The following MYBPC1 variants were observed in gnomAD, a reference collection of about 807,000 sequenced individuals.
MYBPC1 encodes myosin binding protein C1.
MYBPC1 carries 52 observed loss-of-function variants against 147.1 expected under a neutral mutation model. The ratio of observed to expected loss-of-function variants is 0.35; its 90% CI spans 0.28 to 0.45. The LOEUF is 0.45. MYBPC1 is among the 20% of genes least tolerant of loss of function. MYBPC1 has a pLI of 1.00. For synonymous variants in MYBPC1, 477 were observed against 475.9 expected, an observed-to-expected ratio of 1.00 and a Z score of -0.03; for missense variants, 1,228 against 1,440.3, an observed-to-expected ratio of 0.85 and a Z score of 2.39.
the MYBPC1 span, among the ~76,000 whole-genome samples, chr12:101,695,801 C>G: frequency 1.3e-5 from 2 of 152,062 alleles, no homozygotes; most frequent in African/African-American, 2.4e-5. Flanking sequence ...TTCTGTACTT[C>G]TTTTATGTGA....
intron 1 of MYBPC1, among the ~76,000 whole-genome samples, chr12:101,606,203 AACAC>A (rs113061042): frequency 0.015 from 2,237 of 145,880 alleles, 50 homozygotes; most frequent in East Asian, 0.096. Flanking sequence ...TCAAAAAAGA[AACAC>A]ACACACACAC....
chr12:101,601,738 TG>T (rs145247125), intron 1 of MYBPC1, among the ~76,000 whole-genome samples: 2,800 of 152,284 alleles, frequency 0.018, 82 homozygotes, highest in African/African-American at 0.064. Context: ...TCTTTTTTTT[TG>T]ATGTGTATTT....
chr12:101,678,558 GA>G (rs1900611294), intron 28 of MYBPC1, among the ~76,000 whole-genome samples: 1 of 152,184 alleles, frequency 6.6e-6, no homozygotes, highest in Admixed American at 6.5e-5. Flanking sequence ...AGAATTCTGT[GA>G]TAGGTTAAAG....
At chr12:101,616,071 A>C (rs1885980353) in intron 2 of MYBPC1, among the ~76,000 whole-genome samples, 1 of 152,166 alleles carries the variant, frequency 6.6e-6, no homozygotes, top group African/African-American at 2.4e-5. Context: ...TGTCCAGCTA[A>C]GAATACTAGA....
At chr12:101,641,294 CGTT>C (rs1030686554) in intron 10 of MYBPC1, among the ~76,000 whole-genome samples, 1 of 151,984 alleles carries the variant, frequency 6.6e-6, no homozygotes, top group South Asian at 2.1e-4. Context: ...GGTAAGCAGT[CGTT>C]GTAACATTTC....
At chr12:101,622,600 T>G (rs1031245281) in intron 3 of MYBPC1, among the ~76,000 whole-genome samples, 1 of 152,026 alleles carries the variant, frequency 6.6e-6, no homozygotes, top group African/African-American at 2.4e-5. Context: ...CCAGGCATGG[T>G]GACAAACACC....
chr12:101,661,183 G>A lies in MYBPC1; in HGVS notation c.1953G>A (p.Pro651=), dbSNP rs376884434. The change falls in exon 20 of 32, where the codon CCG becomes CCA. Residue 651 remains proline (P), a synonymous_variant. Transcript: ENST00000361466. ...ACTTCCCTGATCCTCCAGTGGCACC[G>A]ACTGTGACAGAGGTGGGAGATGACT... ...VVDFPDPPVA[P]TVTEVGDDWC... 1.1e-4 allele frequency: 176 copies of A among 1,613,388 alleles called. 1 individual carries two copies. Among genetic ancestry groups the A allele is most frequent in the South Asian group, 1.0e-3 (95 of 91,012 alleles).
At chr12:101,689,810 A>C (rs1289915288), downstream of MYBPC1, among the ~76,000 whole-genome samples, 1 of 152,172 alleles carries the variant, frequency 6.6e-6, no homozygotes, top group Non-Finnish European at 1.5e-5. Context: ...GACTGTGTGC[A>C]AGTCCCTCCT....
At chr12:101,600,341 A>T (rs1565872588) in intron 1 of MYBPC1, 1 of 152,052 alleles carries the variant, frequency 6.6e-6, no homozygotes, top group Non-Finnish European at 1.5e-5. Flanking sequence ...CACAATTCAT[A>T]GAGTTTCCTT....
chr12:101,674,920 CGTT>C (rs1899580202), intron 25 of MYBPC1, among the ~76,000 whole-genome samples: 1 of 137,196 alleles, frequency 7.3e-6, no homozygotes, highest in South Asian at 2.3e-4. Context: ...GCTAGAAAAA[CGTT>C]GTTTCCAATC....
intron 16 of MYBPC1, 60 bp from the exon 17 acceptor site, chr12:101,652,618 T>C: frequency 1.7e-6 from 2 of 1,197,622 alleles, no homozygotes; most frequent in Non-Finnish European, 2.5e-6. Flanking sequence ...CTTTTCAGCT[T>C]GGGTCATATA....
At chr12:101,623,466 A>G (rs914920008) in intron 3 of MYBPC1, among the ~76,000 whole-genome samples, 7 of 152,136 alleles carry the variant, frequency 4.6e-5, no homozygotes, top group African/African-American at 1.7e-4. Flanking sequence ...AGACAAGATT[A>G]TTTTTCTTCA....
intron 11 of MYBPC1, among the ~76,000 whole-genome samples, chr12:101,643,310 G>GA (rs1424707764): frequency 2.6e-5 from 4 of 152,108 alleles, no homozygotes; most frequent in African/African-American, 9.7e-5. Context: ...TGGCCCCAGA[G>GA]AAATGTAGTA....
chr12:101,616,763 T>C (rs1039013641), intron 2 of MYBPC1, among the ~76,000 whole-genome samples: 14 of 152,206 alleles, frequency 9.2e-5, no homozygotes, highest in Admixed American at 7.2e-4. Flanking sequence ...CAATTACATA[T>C]TTTGTACTTT....
chr12:101,613,864 C>A (rs1260030134), intron 1 of MYBPC1, among the ~76,000 whole-genome samples: 2 of 152,162 alleles, frequency 1.3e-5, no homozygotes, highest in Non-Finnish European at 2.9e-5. Context: ...TTGCACCGTC[C>A]TTGTAAAACA....
chr12:101,627,134 T>C (rs1237588847), intron 4 of MYBPC1, among the ~76,000 whole-genome samples: 1 of 152,218 alleles, frequency 6.6e-6, no homozygotes, highest in Non-Finnish European at 1.5e-5. Context: ...ATAAATAAGA[T>C]TGGTAAATCT....
intron 15 of MYBPC1, 98 bp downstream of exon 15, chr12:101,649,524 A>G (rs1426893209): frequency 5.1e-6 from 7 of 1,378,930 alleles, no homozygotes; most frequent in Non-Finnish European, 7.2e-6. Flanking sequence ...TCTATTTGCG[A>G]TGATTTTTAA....
chr12:101,682,795 A>G (rs1020476213), intron 30 of MYBPC1, 133 bp downstream of exon 30: 3 of 829,900 alleles, frequency 3.6e-6, no homozygotes, highest in Non-Finnish European at 6.0e-6. Flanking sequence ...CATGGCATAC[A>G]GTGCTTATGC....
intron 18 of MYBPC1, among the ~76,000 whole-genome samples, chr12:101,653,705 C>T (rs1435937949): frequency 1.3e-5 from 2 of 151,896 alleles, no homozygotes; most frequent in East Asian, 1.9e-4. Context: ...CATTTCCATA[C>T]GGAGGCAATT....
Sources: gnomAD v4.1 joint callset for allele counts (sites outside exome capture counted in the v4.1 genomes callset) on GRCh38, gnomAD v4.1.1 for gene constraint, MANE v1.5 for transcripts, NCBI Gene and HGNC (gene_info 2026-07-23, HGNC 2026-07-21) for gene names.